Variants in ZNRF2 observed in about 807,000 individuals in gnomAD.
ZNRF2 encodes the protein zinc and ring finger 2, also known as E3 ubiquitin-protein ligase ZNRF2.
Under a neutral mutation model 20.4 loss-of-function variants are expected in ZNRF2, and 16 were observed. The ratio of observed to expected loss-of-function variants is 0.79; its 90% CI spans 0.53 to 1.19. ZNRF2 has a LOEUF of 1.19. ZNRF2 is among the 50% of genes most tolerant of loss of function. The pLI, the probability that ZNRF2 is intolerant of heterozygous loss-of-function variation, is 0.00. For synonymous variants in ZNRF2, 178 were observed against 144.9 expected (o/e 1.23, Z -1.64); for missense variants, 363 against 332.4 (o/e 1.09, Z -0.72).
At position 30,355,744 on chromosome 7, in the gene ZNRF2, A is replaced by G. The variant is rs2127956373; in HGVS notation, c.582A>G (p.Lys194=). The G allele has an allele frequency of 1.2e-6, 2 of 1,613,180 alleles. No homozygotes were observed. Among genetic ancestry groups the G allele is most frequent in the Non-Finnish European group, 1.7e-6 (2 of 1,179,378 alleles). The change falls in exon 3 of 5, where the codon AAA becomes AAG. Residue 194 remains lysine, a synonymous_variant. Transcript: ENST00000323037. ...RITYNEDVLS[K]DAGECAICLE... The stretch of plus-strand genomic sequence containing the variant: ...TTTCTTCAGAGGATGTACTGAGTAA[A>G]GATGCTGGGGAATGTGCAATATGCC...
intron 1 of ZNRF2, among the ~76,000 whole-genome samples, chr7:30,292,586 C>A (rs991227391): frequency 1.3e-5 from 2 of 151,974 alleles, no homozygotes; most frequent in Admixed American, 6.6e-5. Flanking sequence ...GATAGAGATT[C>A]TGGGGTGGAG....
Position 30,289,989 on chromosome 7 carries a change from T to C in ZNRF2, c.469+4163T>C, listed in dbSNP as rs1440564697. 7 of 467,494 alleles carry C rather than the reference T, an allele frequency of 1.5e-5. No homozygotes were observed. In the Admixed American group the frequency reaches 2.0e-4, roughly 13 times the overall value. The allele number at this position is 467,494 out of a possible 1,614,324, so 29.0% of individuals were successfully genotyped here. A position where few individuals can be genotyped will look rare whatever the true frequency, so the allele number is the denominator to read the frequency against. ...GAGATATCAACTTTTAAACTATTTA[T>C]TATTATTTGGGTTTTAAGGAGAATT... On this transcript the variant is annotated intron_variant, in intron 1 of 4. Coordinates refer to ENST00000323037, the MANE Select transcript of ZNRF2 (RefSeq NM_147128.4).
chr7:30,286,592 T>A (rs758755007), intron 1 of ZNRF2, among the ~76,000 whole-genome samples: 1 of 152,224 alleles, frequency 6.6e-6, no homozygotes, highest in Non-Finnish European at 1.5e-5. Flanking sequence ...TGGACATTTT[T>A]AATAGCAAAG....
chr7:30,329,232 A>T (rs146109404), intron 2 of ZNRF2, among the ~76,000 whole-genome samples: 5 of 152,312 alleles, frequency 3.3e-5, no homozygotes, highest in African/African-American at 1.2e-4. Context: ...GTAATGATCA[A>T]ATCAGGATAA....
chr7:30,367,256 GAAAT>G lies in ZNRF2; in HGVS notation c.*1245_*1248del, dbSNP rs1277218340. On this transcript the variant is annotated 3_prime_UTR_variant, in exon 5 of 5. Coordinates refer to ENST00000323037, the MANE Select transcript of ZNRF2 (RefSeq NM_147128.4). Reference sequence around the variant, plus strand: ...CTTTTAAATTCAGTTTGTGTAGAAAGAAATGTGTTAAACAAAATTATGTTAATAA... The same window carrying G: ...CTTTTAAATTCAGTTTGTGTAGAAAGGTGTTAAACAAAATTATGTTAATAA... 6.6e-6 allele frequency: 1 copy of G among 152,408 alleles called. No homozygotes were observed. The highest frequency in any genetic ancestry group is 1.5e-5 in the Non-Finnish European group (1 of 67,880). 9.4% of individuals were successfully genotyped at this position (152,408 alleles called of 1,614,324 possible). A position where few individuals can be genotyped will look rare whatever the true frequency, so the allele number is the denominator to read the frequency against.
intron 2 of ZNRF2, among the ~76,000 whole-genome samples, chr7:30,324,820 A>G (rs1799527613): frequency 6.6e-6 from 1 of 152,160 alleles, no homozygotes; most frequent in African/African-American, 2.4e-5. Context: ...CTTTTTGTTT[A>G]AGAGTATAGA....
chr7:30,309,020 C>T (rs931679276), intron 1 of ZNRF2, among the ~76,000 whole-genome samples: 1 of 152,008 alleles, frequency 6.6e-6, no homozygotes, highest in South Asian at 2.1e-4. Flanking sequence ...AAGACAGGTC[C>T]TAAATATGAT....
intron 1 of ZNRF2, among the ~76,000 whole-genome samples, chr7:30,322,126 G>GT (rs953821988): frequency 3.3e-5 from 5 of 151,768 alleles, no homozygotes; most frequent in South Asian, 2.1e-4. Flanking sequence ...CCTCCTTCCT[G>GT]TTTTTTTTCT....
rs1800228270 is a variant in ZNRF2 at position 30,367,080 on chromosome 7, G to T, written c.*1068G>T. 1 of 152,418 alleles carries T rather than the reference G, an allele frequency of 6.6e-6. No individual in the cohort carries two copies. The highest frequency in any genetic ancestry group is 1.5e-5 in the Non-Finnish European group (1 of 67,930). The allele number at this position is 152,418 out of a possible 1,614,324, so 9.4% of individuals were successfully genotyped here. On this transcript the variant is annotated 3_prime_UTR_variant, in exon 5 of 5. Coordinates refer to ENST00000323037, the MANE Select transcript of ZNRF2 (RefSeq NM_147128.4). ...ACCTTTAAAAACTGTAATTTAATTG[G>T]GATGCCAGGTTTATAGCAATTTGCA...
At chr7:30,358,080 A>T (rs1800068986) in intron 3 of ZNRF2, among the ~76,000 whole-genome samples, 1 of 152,226 alleles carries the variant, frequency 6.6e-6, no homozygotes, top group Non-Finnish European at 1.5e-5. Context: ...TTACTACATT[A>T]ACAAAGGAAA....
chr7:30,361,856 T>C (rs1322163754), intron 3 of ZNRF2, among the ~76,000 whole-genome samples: 1 of 152,196 alleles, frequency 6.6e-6, no homozygotes, highest in African/African-American at 2.4e-5. Flanking sequence ...ATAAAATACT[T>C]CCTAAATACA....
At chr7:30,355,861 A>G in intron 3 of ZNRF2, 28 bp downstream of exon 3, 2 of 1,554,368 alleles carry the variant, frequency 1.3e-6, no homozygotes, top group Non-Finnish European at 1.8e-6. Flanking sequence ...GTATTAGAGT[A>G]AAAGATTGTT....
chr7:30,321,086 G>A lies in ZNRF2; in HGVS notation c.470-2556G>A, dbSNP rs574435410. ...TCTATTTTCTTCCCTGCCCGTTGCC[G>A]TGCCTGGTATTCTCAATTCCGAATA... On this transcript the variant is annotated intron_variant, in intron 1 of 4. Transcript: ENST00000323037. 8.5e-5 allele frequency among the ~76,000 whole-genome samples: 13 copies of A among 152,188 alleles called. No homozygotes were observed. The South Asian group carries it at 1.0e-3, about 12-fold the overall frequency.
rs528416381 is a variant in ZNRF2, at chr7:30,298,199, C to T, written c.469+12373C>T. Among the ~76,000 whole-genome samples, 5 of 151,934 alleles carry T rather than the reference C, an allele frequency of 3.3e-5. No homozygotes were observed. The South Asian group carries it at 8.3e-4, about 25-fold the overall frequency. The stretch of plus-strand genomic sequence containing the variant: ...ACAATACCTTTTTCTAAGAATATTA[C>T]TGATACGAATTTACATGTGCATCTG... On this transcript the variant is annotated intron_variant, in intron 1 of 4. Transcript: ENST00000323037.
At chr7:30,298,797 C>T (rs7805342) in intron 1 of ZNRF2, among the ~76,000 whole-genome samples, 12 of 152,138 alleles carry the variant, frequency 7.9e-5, no homozygotes, top group South Asian at 2.1e-4. Flanking sequence ...CGCAGACTGG[C>T]GATGAATCTT....
chr7:30,346,549 AT>A (rs1005529128), intron 2 of ZNRF2, among the ~76,000 whole-genome samples: 12 of 151,004 alleles, frequency 7.9e-5, no homozygotes, highest in African/African-American at 1.7e-4. Flanking sequence ...TTGTCTCACT[AT>A]TTTTTTTTAA....
At chr7:30,286,383 T>C (rs1321196961) in intron 1 of ZNRF2, among the ~76,000 whole-genome samples, 1 of 152,252 alleles carries the variant, frequency 6.6e-6, no homozygotes, top group Admixed American at 6.5e-5. Flanking sequence ...AATGAAAAGT[T>C]TGTTTTTAAA....
At chr7:30,344,400 A>G (rs186044351) in intron 2 of ZNRF2, among the ~76,000 whole-genome samples, 3 of 152,150 alleles carry the variant, frequency 2.0e-5, no homozygotes, top group Admixed American at 2.0e-4. Context: ...TCTATGAGCA[A>G]TAATGAAATT....
intron 2 of ZNRF2, among the ~76,000 whole-genome samples, chr7:30,346,220 T>C (rs1184452735): frequency 5.6e-5 from 8 of 144,054 alleles, no homozygotes; most frequent in Non-Finnish European, 1.2e-4. Flanking sequence ...TGTGGTGGCA[T>C]TTTGCTCTTG....
Sources: gnomAD v4.1 joint callset for allele counts (sites outside exome capture counted in the v4.1 genomes callset) on GRCh38, gnomAD v4.1.1 for gene constraint, MANE v1.5 for transcripts, NCBI Gene and HGNC (gene_info 2026-07-23, HGNC 2026-07-21) for gene names.